Variants in HMCN1 observed in about 807,000 individuals in gnomAD.
The protein encoded by HMCN1 is hemicentin 1.
HMCN1 carries 321 observed loss-of-function variants against 625.9 expected under a neutral mutation model. The observed-to-expected ratio is 0.51, with a 90% confidence interval of 0.47 to 0.56. The LOEUF is 0.56. Among genes scored for constraint, HMCN1 ranks in the 20% least tolerant of loss-of-function variants. The pLI, the probability that HMCN1 is intolerant of heterozygous loss-of-function variation, is 0.00. For missense variants in HMCN1, 6,588 were observed against 6,887.3 expected, an observed-to-expected ratio of 0.96 and a Z score of 1.54; for synonymous variants, 2,425 against 2,417.6, an observed-to-expected ratio of 1.00 and a Z score of -0.09.
chr1:186,005,344 A>C (rs546651535), intron 29 of HMCN1, among the ~76,000 whole-genome samples: 17 of 147,370 alleles, frequency 1.2e-4, no homozygotes, highest in Non-Finnish European at 2.1e-4. Flanking sequence ...TTAATTGTTT[A>C]TAAATGTTTA....
At position 186,070,768 on chromosome 1, in the gene HMCN1, A is replaced by C; in HGVS notation, c.8139+11A>C. 1 of 1,613,522 alleles carries C rather than the reference A, an allele frequency of 6.2e-7. No homozygotes were observed. Among genetic ancestry groups the C allele is most frequent in the Non-Finnish European group, 8.5e-7 (1 of 1,179,594 alleles). ...TACAAGGATGGACAGGCCAGTCACA[A>C]CTTTTTTCATTTGCTGATGATTTCT... On this transcript the variant is annotated intron_variant, in intron 52 of 106. Transcript: ENST00000271588.
At chr1:186,159,018 G>A (rs1651239996) in intron 97 of HMCN1, among the ~76,000 whole-genome samples, 1 of 152,040 alleles carries the variant, frequency 6.6e-6, no homozygotes, top group Non-Finnish European at 1.5e-5. Context: ...AAATTACCTT[G>A]GGCAGTATGG....
At position 186,137,823 on chromosome 1, in the gene HMCN1, G is replaced by A. The variant is rs1430891926; in HGVS notation, c.13775G>A (p.Trp4592Ter). Reference protein sequence around the residue: ...PCPVDGSWSEWSLWEECTRSC... With the variant: ...PCPVDGSWSE ...ATAGTGGATGGTAGCTGGTCGGAAT[G>A]GAGTCTTTGGGAAGAATGCACAAGG... The change falls in exon 89 of 107, where the codon TGG becomes TAG. Residue 4592 changes from tryptophan (W) to a stop codon, truncating the protein, a stop_gained. Coordinates refer to ENST00000271588, the MANE Select transcript of HMCN1 (RefSeq NM_031935.3). LOFTEE classifies it high-confidence loss of function. 6.2e-7 allele frequency: 1 copy of A among 1,614,060 alleles called. No individual in the cohort carries two copies. Among genetic ancestry groups the A allele is most frequent in the Non-Finnish European group, 8.5e-7 (1 of 1,179,956 alleles).
At chr1:186,120,627 C>T (rs1350079895) in intron 80 of HMCN1, among the ~76,000 whole-genome samples, 1 of 152,198 alleles carries the variant, frequency 6.6e-6, no homozygotes, top group Non-Finnish European at 1.5e-5. Context: ...CTTGCATGCA[C>T]TGCTTTTGCA....
At chr1:185,996,341 A>T (rs1191432187) in intron 24 of HMCN1, among the ~76,000 whole-genome samples, 1 of 152,122 alleles carries the variant, frequency 6.6e-6, no homozygotes, top group East Asian at 1.9e-4. Flanking sequence ...AGCATGTAAT[A>T]TTTTGGAGAC....
chr1:185,813,682 G>A (rs1659668304), intron 1 of HMCN1, among the ~76,000 whole-genome samples: 1 of 151,974 alleles, frequency 6.6e-6, no homozygotes, highest in African/African-American at 2.4e-5. Context: ...TACATATCGT[G>A]GTATTAAGCA....
intron 11 of HMCN1, among the ~76,000 whole-genome samples, chr1:185,952,552 G>C (rs964692876): frequency 6.6e-6 from 1 of 151,722 alleles, no homozygotes; most frequent in Non-Finnish European, 1.5e-5. Context: ...CAGACCATTT[G>C]CCCATTTTAT....
At chr1:185,922,773 A>G (rs1040593101) in intron 7 of HMCN1, among the ~76,000 whole-genome samples, 2 of 152,196 alleles carry the variant, frequency 1.3e-5, no homozygotes, top group Admixed American at 1.3e-4. Context: ...GCCCAGGAAT[A>G]TGTACTTTAG....
chr1:185,876,017 G>A (rs183384898), intron 4 of HMCN1, among the ~76,000 whole-genome samples: 607 of 151,970 alleles, frequency 4.0e-3, no homozygotes, highest in Admixed American at 6.6e-3. Flanking sequence ...CCTAACACCC[G>A]AATAGTGAAC....
chr1:185,952,484 G>A (rs1649276193), intron 11 of HMCN1, among the ~76,000 whole-genome samples: 1 of 151,702 alleles, frequency 6.6e-6, no homozygotes, highest in African/African-American at 2.4e-5. Flanking sequence ...GAGTTGCACT[G>A]GTCACAGAGA....
chr1:185,853,570 G>A (rs1426083301), intron 2 of HMCN1, among the ~76,000 whole-genome samples: 3 of 152,068 alleles, frequency 2.0e-5, no homozygotes, highest in Non-Finnish European at 4.4e-5. Context: ...AATTCTCTGA[G>A]GGACAAACCA....
rs1465545399 is a variant in HMCN1, at chr1:186,053,924, A to G, written c.6800A>G (p.Tyr2267Cys). 2 of 1,612,826 alleles carry G rather than the reference A, an allele frequency of 1.2e-6. No individual in the cohort carries two copies. The highest frequency in any genetic ancestry group is 8.5e-7 in the Non-Finnish European group (1 of 1,179,248). The change falls in exon 44 of 107, where the codon TAT (tyrosine) becomes TGT (cysteine). Residue 2267 changes from tyrosine to cysteine, a missense_variant. This residue lies in a region of HMCN1 where 4,628 missense variants were observed against 4,853.1 expected (regional missense o/e 0.95). Coordinates refer to ENST00000271588, the MANE Select transcript of HMCN1 (RefSeq NM_031935.3). ...SIAEKSDAAL[Y>C]SCVASNVAGT... ...GCTGAAAAGTCTGATGCAGCACTCTATTCATGTGTGGCGTCGAATGTTGCT... is the reference window on the plus strand; with the variant it reads ...GCTGAAAAGTCTGATGCAGCACTCTGTTCATGTGTGGCGTCGAATGTTGCT...
chr1:185,931,700 A>G (rs1170471813), intron 10 of HMCN1, among the ~76,000 whole-genome samples: 1 of 152,148 alleles, frequency 6.6e-6, no homozygotes. Context: ...GCCTACAGGG[A>G]GGGCCCTGAA....
At chr1:185,930,590 G>A (rs1027763706) in intron 10 of HMCN1, among the ~76,000 whole-genome samples, 2 of 152,166 alleles carry the variant, frequency 1.3e-5, no homozygotes, top group African/African-American at 4.8e-5. Context: ...CCCAAGAGCA[G>A]TTTAAAGAAA....
At chr1:186,060,936 T>G (rs1336758309) in intron 46 of HMCN1, among the ~76,000 whole-genome samples, 1 of 152,142 alleles carries the variant, frequency 6.6e-6, no homozygotes, top group Non-Finnish European at 1.5e-5. Flanking sequence ...AAGCCCTGTT[T>G]GTTTATACAC....
In HMCN1 at chr1:185,997,490, C is replaced by T. The variant is rs1052297616; in HGVS notation, c.3840C>T (p.Ala1280=). The change falls in exon 25 of 107, where the codon GCC becomes GCT. Residue 1280 remains alanine, a synonymous_variant. Coordinates refer to ENST00000271588, the MANE Select transcript of HMCN1 (RefSeq NM_031935.3). ...PYNTTFQERV[A]NQRIEFPCPA... ...ACACTACTTTCCAAGAAAGAGTGGC[C>T]AATCAACGCATTGAATTTCCATGTC... is the stretch of plus-strand genomic sequence containing the variant. 1 of 1,612,018 alleles carries T rather than the reference C, an allele frequency of 6.2e-7. No individual in the cohort carries two copies. The highest frequency in any genetic ancestry group is 1.3e-5 in the African/African-American group (1 of 74,922).
chr1:186,088,135 T>C lies in HMCN1; in HGVS notation c.9446-10T>C, dbSNP rs753374697. 5.6e-6 allele frequency: 9 copies of C among 1,604,102 alleles called. No homozygotes were observed. In the African/African-American group the frequency reaches 8.0e-5, roughly 14 times the overall value. The stretch of plus-strand genomic sequence containing the variant: ...GTTTTTTTGTTTGTTTGTTTGTTTG[T>C]TTTTTACAGTGCCACCCAGTATTGA... On this transcript the variant is annotated splice_polypyrimidine_tract_variant and intron_variant, in intron 61 of 106. Transcript: ENST00000271588.
intron 104 of HMCN1, among the ~76,000 whole-genome samples, chr1:186,179,211 C>A (rs1652787130): frequency 6.6e-6 from 1 of 152,128 alleles, no homozygotes; most frequent in Non-Finnish European, 1.5e-5. Flanking sequence ...GTATAACAAC[C>A]AACATCCCAT....
At chr1:186,039,977 A>T (rs1238134324) in intron 39 of HMCN1, 98 bp downstream of exon 39, 1 of 1,199,318 alleles carries the variant, frequency 8.3e-7, no homozygotes, top group African/African-American at 1.5e-5. Flanking sequence ...GAGAACAAGG[A>T]TTAACAGATG....
Sources: gnomAD v4.1 joint callset for allele counts (sites outside exome capture counted in the v4.1 genomes callset) on GRCh38, gnomAD v4.1.1 for gene constraint, gnomAD v4.1.1 regional missense constraint, MANE v1.5 for transcripts, NCBI Gene and HGNC (gene_info 2026-07-23, HGNC 2026-07-21) for gene names.